Variants in CNBD1 observed in about 807,000 individuals in gnomAD.
The protein encoded by CNBD1 is cyclic nucleotide binding domain containing 1.
In CNBD1, 71 loss-of-function variants were observed where a neutral mutation model predicts 54.4. The ratio of observed to expected loss-of-function variants is 1.30; its 90% CI spans 1.08 to 1.59. The LOEUF (loss-of-function observed/expected upper bound fraction) is 1.59, where lower values mean the gene tolerates loss of function less well. Among genes scored for constraint, CNBD1 ranks in the 40% most tolerant of loss-of-function variants. The pLI is 0.00. For missense variants in CNBD1, 659 were observed against 518.0 expected, an observed-to-expected ratio of 1.27 and a Z score of -2.64; for synonymous variants, 182 against 170.7, an observed-to-expected ratio of 1.07 and a Z score of -0.51.
intron 10 of CNBD1, among the ~76,000 whole-genome samples, chr8:87,379,746 A>G (rs1208112107): frequency 2.0e-5 from 3 of 151,978 alleles, no homozygotes; most frequent in Non-Finnish European, 2.9e-5. Flanking sequence ...GTAAAATTAC[A>G]TTGATTGAAT....
chr8:87,298,567 C>A (rs988981788), intron 8 of CNBD1, among the ~76,000 whole-genome samples: 2 of 151,092 alleles, frequency 1.3e-5, no homozygotes, highest in Non-Finnish European at 2.9e-5. Flanking sequence ...TCACTGCAAC[C>A]TACACCTCCC....
intron 3 of CNBD1, among the ~76,000 whole-genome samples, chr8:86,933,339 G>GA (rs1211128110): frequency 6.6e-6 from 1 of 151,942 alleles, no homozygotes; most frequent in African/African-American, 2.4e-5. Flanking sequence ...CTAGAAAAAT[G>GA]AAAAAACAAA....
At chr8:86,866,688 G>A (rs1359223982) in intron 1 of CNBD1, 105 bp downstream of exon 1, 2 of 795,918 alleles carry the variant, frequency 2.5e-6, no homozygotes, top group African/African-American at 3.4e-5. Flanking sequence ...TAGGGACATT[G>A]GGAATCTTAT....
chr8:87,324,939 C>T lies in CNBD1; in HGVS notation c.1043-26746C>T, dbSNP rs186986006. ...TTTCTTGCTTTCTCTTGTGGGCATT[C>T]AGTGCTATAAATTTCCCTCTACACA... is the stretch of plus-strand genomic sequence containing the variant. On this transcript the variant is annotated intron_variant, in intron 8 of 10. Coordinates refer to ENST00000518476, the MANE Select transcript of CNBD1 (RefSeq NM_173538.3). Among the ~76,000 whole-genome samples, 115 of 108,218 alleles carry T rather than the reference C, an allele frequency of 1.1e-3. 6 individuals carry two copies. The highest frequency in any genetic ancestry group is 1.7e-3 in the Non-Finnish European group (88 of 52,468). The allele number at this position is 108,218 out of a possible 152,430, so 71.0% of individuals were successfully genotyped here.
rs117487710 is a variant in CNBD1 at position 87,210,057 on chromosome 8, C to T, written c.577+3919C>T. Among the ~76,000 whole-genome samples, 385 of 152,288 alleles carry T rather than the reference C, an allele frequency of 2.5e-3. 8 individuals are homozygous for T. In the East Asian group the frequency reaches 0.03, roughly 12 times the overall value. On this transcript the variant is annotated intron_variant, in intron 5 of 10. Coordinates refer to ENST00000518476, the MANE Select transcript of CNBD1 (RefSeq NM_173538.3). Reference sequence around the variant, plus strand: ...TGAGTTTTGACAAAGGTGCTAAAAACACTCAACAGAGAAAGGACAGTCTCT... The same window carrying T: ...TGAGTTTTGACAAAGGTGCTAAAAATACTCAACAGAGAAAGGACAGTCTCT...
intron 4 of CNBD1, among the ~76,000 whole-genome samples, chr8:87,027,948 G>C (rs1055895938): frequency 6.6e-6 from 1 of 152,146 alleles, no homozygotes; most frequent in Non-Finnish European, 1.5e-5. Context: ...CTGATCAGCT[G>C]CAAACAAAAA....
intron 4 of CNBD1, among the ~76,000 whole-genome samples, chr8:87,030,001 T>A (rs749288244): frequency 6.6e-5 from 10 of 152,210 alleles, no homozygotes; most frequent in Non-Finnish European, 1.3e-4. Flanking sequence ...AATTTAGATA[T>A]GCTTTTTAAA....
intron 2 of CNBD1, among the ~76,000 whole-genome samples, chr8:86,888,987 T>TC (rs1272340492): frequency 1.3e-5 from 2 of 152,114 alleles, no homozygotes; most frequent in African/African-American, 4.8e-5. Context: ...TCCTCTTGGG[T>TC]GGTGTCGTCT....
chr8:87,379,728 T>C lies in CNBD1; in HGVS notation c.1304-2892T>C, dbSNP rs189912809. ...TAATTTTTTTTAAGAAATACGTTTATAATATTTGTAAAATTACATTGATTG... is the reference window on the plus strand; with the variant it reads ...TAATTTTTTTTAAGAAATACGTTTACAATATTTGTAAAATTACATTGATTG... On this transcript the variant is annotated intron_variant, in intron 10 of 10. Coordinates refer to ENST00000518476, the MANE Select transcript of CNBD1 (RefSeq NM_173538.3). 3.4e-3 allele frequency among the ~76,000 whole-genome samples: 512 copies of C among 152,068 alleles called. 2 individuals carry two copies. The highest frequency in any genetic ancestry group is 0.011 in the African/African-American group (443 of 41,540).
chr8:87,346,357 C>A (rs1810176360), intron 8 of CNBD1, among the ~76,000 whole-genome samples: 1 of 151,894 alleles, frequency 6.6e-6, no homozygotes. Flanking sequence ...ACTTAATTTT[C>A]TTCATAAAAT....
At chr8:87,346,539 C>G (rs1280712569) in intron 8 of CNBD1, among the ~76,000 whole-genome samples, 1 of 151,844 alleles carries the variant, frequency 6.6e-6, no homozygotes, top group African/African-American at 2.4e-5. Context: ...ATTGTGATGT[C>G]TCTATCTATG....
At chr8:87,107,124 G>A (rs1811556605) in intron 4 of CNBD1, among the ~76,000 whole-genome samples, 1 of 152,032 alleles carries the variant, frequency 6.6e-6, no homozygotes, top group African/African-American at 2.4e-5. Flanking sequence ...CACCGCACCC[G>A]GCCTGTTTTT....
chr8:87,299,915 T>C (rs1808950767), intron 8 of CNBD1, among the ~76,000 whole-genome samples: 1 of 152,132 alleles, frequency 6.6e-6, no homozygotes, highest in South Asian at 2.1e-4. Context: ...CTTTTCTCCT[T>C]CCACATATAA....
At chr8:87,160,402 A>G (rs1812831195) in intron 4 of CNBD1, among the ~76,000 whole-genome samples, 1 of 152,060 alleles carries the variant, frequency 6.6e-6, no homozygotes, top group Non-Finnish European at 1.5e-5. Context: ...AAGCCCATCA[A>G]CACTATCTAA....
chr8:86,995,699 T>A (rs1456654353), intron 4 of CNBD1, among the ~76,000 whole-genome samples: 13 of 151,536 alleles, frequency 8.6e-5, no homozygotes. Context: ...GGTGTGTGTG[T>A]GTGTGTGTGT....
intron 1 of CNBD1, among the ~76,000 whole-genome samples, chr8:86,868,601 G>A (rs1586098951): frequency 1.3e-5 from 2 of 152,126 alleles, no homozygotes; most frequent in South Asian, 4.1e-4. Flanking sequence ...AAAGTGCTAG[G>A]ATTTACAGGC....
chr8:87,418,978 A>T (rs1412511899), intron 2 of CNBD1, among the ~76,000 whole-genome samples: 1 of 151,936 alleles, frequency 6.6e-6, no homozygotes, highest in Non-Finnish European at 1.5e-5. Context: ...TTGAAAACAT[A>T]TGTCTGCACA....
At chr8:87,027,658 C>G (rs1191811464) in intron 4 of CNBD1, among the ~76,000 whole-genome samples, 5 of 152,198 alleles carry the variant, frequency 3.3e-5, no homozygotes, top group Non-Finnish European at 5.9e-5. Flanking sequence ...CACCTGGAAT[C>G]TATTAAACAG....
Position 87,061,000 on chromosome 8 carries a change from G to A in CNBD1, c.431+121246G>A, listed in dbSNP as rs550679232. ...CTCAGGACTGACCCTCAGAAAGTTA[G>A]TGACCTGGCTCATCATGACAGCCCA... On this transcript the variant is annotated intron_variant, in intron 4 of 10. Coordinates refer to ENST00000518476, the MANE Select transcript of CNBD1 (RefSeq NM_173538.3). Among the ~76,000 whole-genome samples the A allele has an allele frequency of 3.3e-5, 5 of 152,308 alleles. No individual in the cohort carries two copies. The East Asian group carries it at 9.6e-4, about 29-fold the overall frequency.
Sources: gnomAD v4.1 joint callset for allele counts (sites outside exome capture counted in the v4.1 genomes callset) on GRCh38, gnomAD v4.1.1 for gene constraint, MANE v1.5 for transcripts, NCBI Gene and HGNC (gene_info 2026-07-23, HGNC 2026-07-21) for gene names.